MAP3K4: variants seen among roughly 807,000 people sequenced by gnomAD.
The protein encoded by MAP3K4 is MAP three kinase 1.
Under a neutral mutation model 185.6 loss-of-function variants are expected in MAP3K4, and 67 were observed. That is an observed-to-expected ratio of 0.36 (90% confidence interval 0.30 to 0.44). The LOEUF (loss-of-function observed/expected upper bound fraction) is 0.44, where lower values mean the gene tolerates loss of function less well. Ranked by LOEUF, MAP3K4 falls within the 20% of genes least tolerant of loss-of-function variation. MAP3K4 has a pLI of 1.00. For synonymous variants in MAP3K4, 702 were observed against 710.4 expected (o/e 0.99, Z 0.19); for missense variants, 1,551 against 1,995.1 (o/e 0.78, Z 4.24).
chr6:161,050,827 C>T (rs1272689245), intron 3 of MAP3K4, among the ~76,000 whole-genome samples: 2 of 152,122 alleles, frequency 1.3e-5, no homozygotes, highest in Non-Finnish European at 2.9e-5. Context: ...TTTGAAATAC[C>T]TTATACCCGT....
Position 161,070,958 on chromosome 6 carries a change from TGAAA to T in MAP3K4, c.1950+109_1950+112del. On this transcript the variant is annotated intron_variant, in intron 4 of 26. Coordinates refer to ENST00000392142, the MANE Select transcript of MAP3K4 (RefSeq NM_005922.4). This position sits in a 1 kb window ranked among gnomAD's most constrained non-coding sequence, Gnocchi z 4.5. ...TTTTTTTCTTAATTGTCGCAAATAG[TGAAA>T]AATGACTGTTTGTCCATGGTTTTAA... The T allele has an allele frequency of 9.5e-7, 1 of 1,056,244 alleles. No individual in the cohort carries two copies. The highest frequency in any genetic ancestry group is 1.3e-6 in the Non-Finnish European group (1 of 758,736). The allele number at this position is 1,056,244 out of a possible 1,614,324, so 65.4% of individuals were successfully genotyped here.
rs113946516 is a variant in MAP3K4 at position 161,101,873 on chromosome 6, A to C, written c.3675-19A>C. On this transcript the variant is annotated intron_variant, in intron 17 of 26. Coordinates refer to ENST00000392142, the MANE Select transcript of MAP3K4 (RefSeq NM_005922.4). The surrounding 1 kb of genome is among the most constrained non-coding windows in gnomAD (Gnocchi z 5.1). ...GTTCTATTGAATTGATAGCTCAATT[A>C]TTAAAAATATTAAAACAGGGGTTCC... The C allele has an allele frequency of 9.4e-6, 15 of 1,589,378 alleles. No homozygotes were observed. In the African/African-American group the frequency reaches 1.1e-4, roughly 11 times the overall value.
Position 161,103,001 on chromosome 6 carries a change from AAT to A in MAP3K4, c.3856+225_3856+226del, listed in dbSNP as rs1777904452. Among the ~76,000 whole-genome samples, 3 of 152,162 alleles carry A rather than the reference AAT, an allele frequency of 2.0e-5. No homozygotes were observed. Among genetic ancestry groups the A allele is most frequent in the Admixed American group, 6.5e-5 (1 of 15,278 alleles). On this transcript the variant is annotated intron_variant, in intron 19 of 26. Coordinates refer to ENST00000392142, the MANE Select transcript of MAP3K4 (RefSeq NM_005922.4). This position sits in a 1 kb window ranked among gnomAD's most constrained non-coding sequence, Gnocchi z 4.6. ...AAACTACATGCTCCTTTGGGTCTATAATATGTTTTACTCATCTTTATATTCTT... is the reference window on the plus strand; with the variant it reads ...AAACTACATGCTCCTTTGGGTCTATAATGTTTTACTCATCTTTATATTCTT...
At chr6:161,039,281 A>G (rs1293219936) in intron 2 of MAP3K4, among the ~76,000 whole-genome samples, 1 of 147,900 alleles carries the variant, frequency 6.8e-6, no homozygotes, top group African/African-American at 2.5e-5. Flanking sequence ...CAAAAATGCA[A>G]AAAAAAAAAA....
chr6:161,096,287 CAT>C lies in MAP3K4; in HGVS notation c.3428-787_3428-786del, dbSNP rs1476032266. Among the ~76,000 whole-genome samples the C allele has an allele frequency of 4.0e-5, 6 of 151,780 alleles. No homozygotes were observed. The South Asian group carries it at 8.3e-4, about 21-fold the overall frequency. ...AGGATAAAACCTATTTGGGATAAAACATATATAAACTAAAATTATTAACATGA... is the reference window on the plus strand; with the variant it reads ...AGGATAAAACCTATTTGGGATAAAACATATAAACTAAAATTATTAACATGA... On this transcript the variant is annotated intron_variant, in intron 15 of 26. Coordinates refer to ENST00000392142, the MANE Select transcript of MAP3K4 (RefSeq NM_005922.4). The surrounding 1 kb of genome is among the most constrained non-coding windows in gnomAD (Gnocchi z 4.9).
rs369631924 is a variant in MAP3K4 at position 161,089,448 on chromosome 6, G to A, written c.2950G>A (p.Ala984Thr). The A allele has an allele frequency of 6.8e-6, 11 of 1,614,008 alleles. No individual in the cohort carries two copies. The African/African-American group carries it at 8.0e-5, about 12-fold the overall frequency. Residue 984 changes from alanine to threonine, a missense_variant, in exon 11 of 27, where the codon GCC (alanine) becomes ACC (threonine). By Grantham distance (58) the Ala-to-Thr change is moderately conservative. Coordinates refer to ENST00000392142, the MANE Select transcript of MAP3K4 (RefSeq NM_005922.4). ...GCAGACATCCAGTCAGCCGGTCATC[G>A]CCAAAGCTTTGCAGCAGCTGAAGGT... is the stretch of plus-strand genomic sequence containing the variant. Reference protein sequence around the residue: ...QEQTSSQPVIAKALQQLKNDA... With the variant: ...QEQTSSQPVITKALQQLKNDA...
At position 161,063,074 on chromosome 6, in the gene MAP3K4, C is replaced by G. The variant is rs1784550719; in HGVS notation, c.1708-7534C>G. 2.0e-5 allele frequency among the ~76,000 whole-genome samples: 3 copies of G among 151,536 alleles called. No homozygotes were observed. The highest frequency in any genetic ancestry group is 4.8e-5 in the African/African-American group (2 of 41,246). ...AGTTATAAAGTTTTCTTTTGTTGAC[C>G]TCATTTCAGTGAAGGCATTATCTGT... On this transcript the variant is annotated intron_variant, in intron 3 of 26. Transcript: ENST00000392142. This position sits in a 1 kb window ranked among gnomAD's most constrained non-coding sequence, Gnocchi z 5.4.
chr6:161,040,856 G>A (rs1350736222), intron 2 of MAP3K4, among the ~76,000 whole-genome samples: 4 of 152,274 alleles, frequency 2.6e-5, no homozygotes, highest in Non-Finnish European at 4.4e-5. Context: ...AAGGGAGGCA[G>A]TGACTCCTGT....
In MAP3K4 at chr6:160,996,732, C is replaced by CA. The variant is rs1472905678; in HGVS notation, c.152+4650dup. Among the ~76,000 whole-genome samples, 2 of 152,216 alleles carry CA rather than the reference C, an allele frequency of 1.3e-5. No homozygotes were observed. Among genetic ancestry groups the CA allele is most frequent in the African/African-American group, 4.8e-5 (2 of 41,460 alleles). On this transcript the variant is annotated intron_variant, in intron 1 of 26. Transcript: ENST00000392142. This position sits in a 1 kb window ranked among gnomAD's most constrained non-coding sequence, Gnocchi z 4.5. ...GCACGATAATCAAGGCCCAGACACT[C>CA]ACTGTGCTTGGCTTCTCAGGCACAG...
At position 161,107,499 on chromosome 6, in the gene MAP3K4, A is replaced by G. The variant is rs59413458; in HGVS notation, c.4049-400A>G. On this transcript the variant is annotated intron_variant, in intron 20 of 26. Coordinates refer to ENST00000392142, the MANE Select transcript of MAP3K4 (RefSeq NM_005922.4). This position sits in a 1 kb window ranked among gnomAD's most constrained non-coding sequence, Gnocchi z 6.2. ...TGTTTGCTCCCACACACTCCTGGAC[A>G]TGTGCCAGTGAGGAAGACAATGGTC... Among the ~76,000 whole-genome samples, 1,133 of 152,314 alleles carry G rather than the reference A, an allele frequency of 7.4e-3. 13 individuals are homozygous for G. The highest frequency in any genetic ancestry group is 0.065 in the Middle Eastern group (19 of 294).
chr6:161,102,802 TAAAAAAA>T lies in MAP3K4; in HGVS notation c.3856+39_3856+45del, dbSNP rs397886595. 68 of 604,642 alleles carry T rather than the reference TAAAAAAA, an allele frequency of 1.1e-4. No homozygotes were observed. The East Asian group carries it at 1.1e-3, about 10-fold the overall frequency. 37.5% of individuals were successfully genotyped at this position (604,642 alleles called of 1,614,324 possible). A position where few individuals can be genotyped will look rare whatever the true frequency, so the allele number is the denominator to read the frequency against. ...AAGGTGAGAGAAAGAGTGTTGAAGT[TAAAAAAA>T]AAAAAAAAAAAAAAACACGATTACA... On this transcript the variant is annotated intron_variant, in intron 19 of 26. Coordinates refer to ENST00000392142, the MANE Select transcript of MAP3K4 (RefSeq NM_005922.4).
chr6:161,013,243 T>C (rs1781930375), intron 1 of MAP3K4, among the ~76,000 whole-genome samples: 1 of 152,152 alleles, frequency 6.6e-6, no homozygotes, highest in Admixed American at 6.5e-5. Context: ...GGCGGGACAG[T>C]TTTCATGTTT....
chr6:161,024,698 A>T (rs1583126995), intron 1 of MAP3K4, among the ~76,000 whole-genome samples: 2 of 152,186 alleles, frequency 1.3e-5, no homozygotes, highest in Admixed American at 1.3e-4. Context: ...CCTTGTCATC[A>T]TATCATATCA....
chr6:161,011,622 A>G (rs1372457339), intron 1 of MAP3K4, among the ~76,000 whole-genome samples: 1 of 152,224 alleles, frequency 6.6e-6, no homozygotes, highest in Non-Finnish European at 1.5e-5. Context: ...CAACGCCAGA[A>G]CTGAGCTTTT....
At chr6:161,028,551 G>A (rs1290317020) in intron 1 of MAP3K4, among the ~76,000 whole-genome samples, 3 of 152,108 alleles carry the variant, frequency 2.0e-5, no homozygotes, top group Non-Finnish European at 4.4e-5. Context: ...CACATAATCT[G>A]CACCAGCCAC....
intron 3 of MAP3K4, among the ~76,000 whole-genome samples, chr6:161,057,930 A>C (rs1472842191): frequency 6.6e-6 from 1 of 152,260 alleles, no homozygotes; most frequent in African/African-American, 2.4e-5. Context: ...AACCGACTCA[A>C]ACTGATGTAA....
rs1030901547 is a variant in MAP3K4 at position 161,114,206 on chromosome 6, TAAACC to T, written c.4627-914_4627-910del. Among the ~76,000 whole-genome samples the T allele has an allele frequency of 2.7e-4, 41 of 152,346 alleles. No homozygotes were observed. The highest frequency in any genetic ancestry group is 9.9e-4 in the African/African-American group (41 of 41,582). On this transcript the variant is annotated intron_variant, in intron 25 of 26. Transcript: ENST00000392142. This position sits in a 1 kb window ranked among gnomAD's most constrained non-coding sequence, Gnocchi z 4.3. ...CAAAATTTTAAATGTGCATAGCACT[TAAACC>T]AAGAAGTTTTCTGCTTCTGAAAATG...
rs1274335718 is a variant in MAP3K4 at position 161,108,387 on chromosome 6, A to G, written c.4120-356A>G. Among the ~76,000 whole-genome samples the G allele has an allele frequency of 6.6e-6, 1 of 152,214 alleles. No individual in the cohort carries two copies. Among genetic ancestry groups the G allele is most frequent in the Non-Finnish European group, 1.5e-5 (1 of 68,040 alleles). On this transcript the variant is annotated intron_variant, in intron 21 of 26. Transcript: ENST00000392142. This position sits in a 1 kb window ranked among gnomAD's most constrained non-coding sequence, Gnocchi z 5.7. Reference sequence around the variant, plus strand: ...GGGCCAGGGAACCTGAAGTAGAAACAGGACTCACTGCTGTCTGTGGAGACA... The same window carrying G: ...GGGCCAGGGAACCTGAAGTAGAAACGGGACTCACTGCTGTCTGTGGAGACA...
intron 3 of MAP3K4, among the ~76,000 whole-genome samples, chr6:161,069,341 G>A (rs1341233722): frequency 6.6e-6 from 1 of 152,168 alleles, no homozygotes; most frequent in Non-Finnish European, 1.5e-5. Context: ...TCACTGGAAA[G>A]GTATCATGAG....
Sources: gnomAD v4.1 joint callset for allele counts (sites outside exome capture counted in the v4.1 genomes callset) on GRCh38, gnomAD v4.1.1 for gene constraint, Gnocchi (gnomAD v3.1) non-coding constraint, MANE v1.5 for transcripts, NCBI Gene and HGNC (gene_info 2026-07-23, HGNC 2026-07-21) for gene names.